AFG1L: variants seen among roughly 807,000 people sequenced by gnomAD.
AFG1L encodes the protein AFG1-like ATPase.
AFG1L carries 53 observed loss-of-function variants against 62.2 expected under a neutral mutation model. That is an observed-to-expected ratio of 0.85 (90% CI 0.68 to 1.07). AFG1L has a LOEUF of 1.07. Ranked by LOEUF, AFG1L falls within the 50% of genes least tolerant of loss-of-function variation. AFG1L has a pLI of 0.00. For synonymous variants in AFG1L, 228 were observed against 210.3 expected (o/e 1.08, Z -0.73); for missense variants, 555 against 590.5 (o/e 0.94, Z 0.62).
At chr6:108,489,930 G>C (rs979600996) in intron 10 of AFG1L, among the ~76,000 whole-genome samples, 1 of 152,198 alleles carries the variant, frequency 6.6e-6, no homozygotes, top group African/African-American at 2.4e-5. Context: ...ATGAGGGTGT[G>C]GGTGGGGTTG....
chr6:108,518,890 G>T (rs1775011824), intron 11 of AFG1L, among the ~76,000 whole-genome samples: 3 of 152,244 alleles, frequency 2.0e-5, no homozygotes, highest in Admixed American at 2.0e-4. Flanking sequence ...AGTCTGCTGT[G>T]CAGCAAAAGC....
intron 1 of AFG1L, among the ~76,000 whole-genome samples, chr6:108,301,305 C>A (rs1471400547): frequency 6.6e-6 from 1 of 152,188 alleles, no homozygotes; most frequent in Non-Finnish European, 1.5e-5. Flanking sequence ...TGCAGCCCAC[C>A]AAGTCTCAGA....
chr6:108,396,466 A>T (rs1409724271), intron 6 of AFG1L, among the ~76,000 whole-genome samples: 1 of 152,074 alleles, frequency 6.6e-6, no homozygotes, highest in Non-Finnish European at 1.5e-5. Context: ...CTGTGGATAC[A>T]TAGTGGGTAT....
intron 8 of AFG1L, among the ~76,000 whole-genome samples, chr6:108,469,618 C>T (rs896583570): frequency 6.6e-6 from 1 of 152,144 alleles, no homozygotes; most frequent in African/African-American, 2.4e-5. Context: ...GAGACAGAGG[C>T]TTGCTGGGGA....
intron 1 of AFG1L, among the ~76,000 whole-genome samples, chr6:108,303,690 G>T (rs925545629): frequency 6.6e-6 from 1 of 152,142 alleles, no homozygotes; most frequent in Admixed American, 6.6e-5. Context: ...TTTTAAGCCT[G>T]AGCATGTAAT....
At chr6:108,327,223 A>C (rs1230346065) in intron 2 of AFG1L, among the ~76,000 whole-genome samples, 1 of 152,256 alleles carries the variant, frequency 6.6e-6, no homozygotes, top group Non-Finnish European at 1.5e-5. Context: ...GTTGAAAGAA[A>C]TAGAGATTCA....
chr6:108,303,748 C>T (rs1777097622), intron 1 of AFG1L, among the ~76,000 whole-genome samples: 1 of 152,136 alleles, frequency 6.6e-6, no homozygotes, highest in Non-Finnish European at 1.5e-5. Flanking sequence ...TTAAATGCAA[C>T]TCCTGTAGAT....
chr6:108,487,709 C>T (rs1353762179), intron 10 of AFG1L, among the ~76,000 whole-genome samples: 2 of 152,140 alleles, frequency 1.3e-5, no homozygotes, highest in African/African-American at 4.8e-5. Flanking sequence ...TGACCTTGAC[C>T]TGGAAAGGTG....
chr6:108,370,450 T>G (rs1156484685), intron 6 of AFG1L, among the ~76,000 whole-genome samples: 1 of 152,034 alleles, frequency 6.6e-6, no homozygotes, highest in Non-Finnish European at 1.5e-5. Context: ...TGGTAACATC[T>G]GAGACATTTT....
At chr6:108,468,383 C>T (rs1772753422) in intron 8 of AFG1L, among the ~76,000 whole-genome samples, 1 of 152,162 alleles carries the variant, frequency 6.6e-6, no homozygotes, top group South Asian at 2.1e-4. Context: ...GACACTATAC[C>T]ATTATCTTCA....
intron 8 of AFG1L, among the ~76,000 whole-genome samples, chr6:108,464,702 C>A (rs1451475508): frequency 1.3e-5 from 2 of 151,898 alleles, no homozygotes; most frequent in Non-Finnish European, 2.9e-5. Context: ...CATTGCACAA[C>A]AAAAGAAAAA....
At chr6:108,446,464 A>G (rs1296459131) in intron 7 of AFG1L, among the ~76,000 whole-genome samples, 1 of 149,194 alleles carries the variant, frequency 6.7e-6, no homozygotes, top group Non-Finnish European at 1.5e-5. Flanking sequence ...TGTGGACACT[A>G]ATGTTCTGGC....
In AFG1L at chr6:108,525,481, G is replaced by A. The variant is rs1016984130; in HGVS notation, c.*3056G>A. On this transcript the variant is annotated 3_prime_UTR_variant, in exon 13 of 13. Coordinates refer to ENST00000368977, the MANE Select transcript of AFG1L (RefSeq NM_145315.5). Reference sequence around the variant, plus strand: ...AAGTATATTTCCTGTACTTATAAGTGTGCAAATGACATAATTTTAAAATTA... The same window carrying A: ...AAGTATATTTCCTGTACTTATAAGTATGCAAATGACATAATTTTAAAATTA... 3.9e-5 allele frequency: 6 copies of A among 152,046 alleles called. No homozygotes were observed. Among genetic ancestry groups the A allele is most frequent in the Non-Finnish European group, 8.8e-5 (6 of 68,012 alleles). The allele number at this position is 152,046 out of a possible 1,614,324, so 9.4% of individuals were successfully genotyped here.
intron 7 of AFG1L, among the ~76,000 whole-genome samples, chr6:108,417,323 G>C (rs1770362171): frequency 6.6e-6 from 1 of 151,456 alleles, no homozygotes; most frequent in Non-Finnish European, 1.5e-5. Flanking sequence ...AAAGAAAAGG[G>C]GCCCTGACCC....
intron 2 of AFG1L, among the ~76,000 whole-genome samples, chr6:108,337,034 G>A (rs1778499571): frequency 6.6e-6 from 1 of 152,202 alleles, no homozygotes; most frequent in African/African-American, 2.4e-5. Context: ...TGAATTGTAT[G>A]TATGTATGTA....
intron 6 of AFG1L, among the ~76,000 whole-genome samples, chr6:108,386,468 AAAAAG>A (rs992699558): frequency 9.9e-5 from 15 of 152,124 alleles, no homozygotes; most frequent in South Asian, 4.2e-4. Context: ...TCTCAAAAAA[AAAAAG>A]AAAAGAAAAG....
intron 2 of AFG1L, among the ~76,000 whole-genome samples, chr6:108,345,442 C>G (rs779118938): frequency 2.6e-5 from 4 of 152,092 alleles, no homozygotes; most frequent in Admixed American, 6.6e-5. Context: ...TCACTGTAGT[C>G]TCCACCTCCC....
At chr6:108,399,191 T>G (rs1175774294) in intron 6 of AFG1L, among the ~76,000 whole-genome samples, 133 of 120,430 alleles carry the variant, frequency 1.1e-3, no homozygotes, top group South Asian at 9.8e-3. Flanking sequence ...TTTTTTTTTT[T>G]TTTTTTTTTT....
At chr6:108,400,800 TATATA>T (rs1200356113) in intron 6 of AFG1L, among the ~76,000 whole-genome samples, 2 of 122,422 alleles carry the variant, frequency 1.6e-5, no homozygotes, top group South Asian at 2.2e-4. Context: ...AATTATATAA[TATATA>T]ATAAATATAT....
Sources: allele counts gnomAD v4.1 joint callset (sites outside exome capture counted in the v4.1 genomes callset), GRCh38; gene constraint gnomAD v4.1.1; transcripts MANE v1.5; gene names NCBI Gene and HGNC (gene_info 2026-07-23, HGNC 2026-07-21).